Variants in ABCC3 observed in about 807,000 individuals in gnomAD.
The protein encoded by ABCC3 is ATP binding cassette subfamily C member 3, also known as ATP-binding cassette sub-family C member 3.
A neutral mutation model predicts 165.3 loss-of-function variants in ABCC3; 121 were observed. The ratio of observed to expected loss-of-function variants is 0.73; its 90% CI spans 0.63 to 0.85. ABCC3 has a LOEUF of 0.85. ABCC3 is among the 40% of genes least tolerant of loss of function. The pLI is 0.00. For missense variants in ABCC3, 1,869 were observed against 1,964.1 expected, an observed-to-expected ratio of 0.95 and a Z score of 0.92; for synonymous variants, 733 against 810.1, an observed-to-expected ratio of 0.90 and a Z score of 1.62.
intron 1 of ABCC3, among the ~76,000 whole-genome samples, chr17:50,649,033 A>G (rs1967058997): frequency 6.6e-6 from 1 of 151,158 alleles, no homozygotes; most frequent in Non-Finnish European, 1.5e-5. Context: ...AATTTCTTGA[A>G]CCTCAGAGGC....
Position 50,679,837 on chromosome 17 carries a change from G to C in ABCC3, c.3745G>C (p.Asp1249His). 1 of 1,614,184 alleles carries C rather than the reference G, an allele frequency of 6.2e-7. No individual in the cohort carries two copies. The change falls in exon 26 of 31, where the codon GAT becomes CAT. Residue 1249 changes from aspartate (D) to histidine (H), a missense_variant. Physicochemically the swap from Asp to His is moderately conservative, Grantham distance 81 (BLOSUM62 -1). Coordinates refer to ENST00000285238, the MANE Select transcript of ABCC3 (RefSeq NM_003786.4). The part of the protein sequence containing the change: ...ALNWMIRMMS[D>H]LESNIVAVER... Reference sequence around the variant, plus strand: ...GAACTGGATGATACGAATGATGTCAGATTTGGAATCTAACATCGTGGCTGT... The same window carrying C: ...GAACTGGATGATACGAATGATGTCACATTTGGAATCTAACATCGTGGCTGT...
At chr17:50,637,779 C>T (rs2054193067) in intron 1 of ABCC3, among the ~76,000 whole-genome samples, 1 of 152,198 alleles carries the variant, frequency 6.6e-6, no homozygotes, top group Non-Finnish European at 1.5e-5. Context: ...TTCTGACATT[C>T]CCCGGAAGAG....
chr17:50,638,623 G>A (rs531980730), intron 1 of ABCC3, among the ~76,000 whole-genome samples: 2 of 152,170 alleles, frequency 1.3e-5, no homozygotes, highest in East Asian at 1.9e-4. Flanking sequence ...CTCTACATAC[G>A]GAATTTGCCT....
intron 1 of ABCC3, among the ~76,000 whole-genome samples, chr17:50,644,916 G>A (rs1296659254): frequency 6.6e-6 from 1 of 152,148 alleles, no homozygotes; most frequent in Non-Finnish European, 1.5e-5. Flanking sequence ...CAATCAGGAG[G>A]CTGAGGCAGG....
At chr17:50,691,043 C>T in intron 30 of ABCC3, 49 bp from the exon 31 acceptor site, 1 of 1,453,378 alleles carries the variant, frequency 6.9e-7, no homozygotes. Flanking sequence ...GACGATGTGA[C>T]CAGGTCAGGG....
chr17:50,680,877 C>T (rs983362520), intron 26 of ABCC3, among the ~76,000 whole-genome samples: 2 of 152,092 alleles, frequency 1.3e-5, no homozygotes, highest in African/African-American at 4.8e-5. Context: ...GAGTTCAAAA[C>T]CAGCCTGGCC....
chr17:50,657,693 A>G lies in ABCC3; in HGVS notation c.487-389A>G, dbSNP rs184421378. Among the ~76,000 whole-genome samples the G allele has an allele frequency of 2.0e-5, 3 of 152,270 alleles. No homozygotes were observed. In the East Asian group the frequency reaches 5.8e-4, roughly 29 times the overall value. On this transcript the variant is annotated intron_variant, in intron 4 of 30. Coordinates refer to ENST00000285238, the MANE Select transcript of ABCC3 (RefSeq NM_003786.4). Reference sequence around the variant, plus strand: ...ATCTCAGCGGGAAGCAGGCAAGGAGAGTAGCAAAGAACATAGGCTGTGAAC... The same window carrying G: ...ATCTCAGCGGGAAGCAGGCAAGGAGGGTAGCAAAGAACATAGGCTGTGAAC...
intron 14 of ABCC3, 146 bp from the exon 15 acceptor site, chr17:50,668,707 C>T: frequency 1.3e-6 from 1 of 793,062 alleles, no homozygotes; most frequent in Non-Finnish European, 2.1e-6. Flanking sequence ...CTCCCCACAT[C>T]CCTTTCTTCC....
At position 50,684,027 on chromosome 17, in the gene ABCC3, G is replaced by A. The variant is rs1597861850; in HGVS notation, c.4033G>A (p.Gly1345Ser). Residue 1345 changes from glycine to serine, a missense_variant, in exon 28 of 31, where the codon GGT becomes AGT. Coordinates refer to ENST00000285238, the MANE Select transcript of ABCC3 (RefSeq NM_003786.4). Reference protein sequence around the residue: ...CLFRILEAAKGEIRIDGLNVA... With the variant: ...CLFRILEAAKSEIRIDGLNVA... Reference sequence around the variant, plus strand: ...GTTCCGCATCCTGGAGGCGGCAAAGGGTGAAATCCGCATTGATGGCCTCAA... The same window carrying A: ...GTTCCGCATCCTGGAGGCGGCAAAGAGTGAAATCCGCATTGATGGCCTCAA... 2 of 1,613,070 alleles carry A rather than the reference G, an allele frequency of 1.2e-6. No homozygotes were observed. The highest frequency in any genetic ancestry group is 1.7e-5 in the Admixed American group (1 of 59,678).
At chr17:50,687,977 CAG>C (rs1968054712) in intron 30 of ABCC3, among the ~76,000 whole-genome samples, 1 of 150,778 alleles carries the variant, frequency 6.6e-6, no homozygotes, top group South Asian at 2.1e-4. Flanking sequence ...TTTTTTGAGA[CAG>C]AGTTTTGCTC....
At chr17:50,673,182 G>C in intron 18 of ABCC3, 44 bp downstream of exon 18, 4 of 1,606,820 alleles carry the variant, frequency 2.5e-6, no homozygotes, top group Non-Finnish European at 3.4e-6. Context: ...GAGATCTGAG[G>C]CCCGAAGAGA....
At chr17:50,670,824 A>G (rs12946653) in intron 17 of ABCC3, among the ~76,000 whole-genome samples, 112,978 of 152,018 alleles carry the variant, frequency 0.74, 42,084 homozygotes, top group South Asian at 0.86. Context: ...GAGTTGGGAA[A>G]TGGAGGGAAA....
intron 8 of ABCC3, chr17:50,663,364 G>A (rs1029516342): frequency 2.5e-5 from 9 of 365,424 alleles, no homozygotes; most frequent in Non-Finnish European, 4.1e-5. Flanking sequence ...CCAGTCAATG[G>A]AAACGTGGCA....
At chr17:50,660,850 C>T (rs1285692812) in intron 7 of ABCC3, 73 bp from the exon 8 acceptor site, 11 of 1,416,476 alleles carry the variant, frequency 7.8e-6, no homozygotes, top group Non-Finnish European at 1.1e-5. Flanking sequence ...TCCTAGCCAG[C>T]CCAGCCTAGC....
chr17:50,646,189 A>T (rs1966998820), intron 1 of ABCC3, among the ~76,000 whole-genome samples: 1 of 152,218 alleles, frequency 6.6e-6, no homozygotes, highest in Non-Finnish European at 1.5e-5. Context: ...GGTAGGCTTC[A>T]TTGAGAAAGA....
At chr17:50,656,235 G>A (rs997509928) in intron 2 of ABCC3, among the ~76,000 whole-genome samples, 12 of 152,156 alleles carry the variant, frequency 7.9e-5, no homozygotes, top group Admixed American at 4.6e-4. Flanking sequence ...ACAGGCATGC[G>A]CCACCACACC....
rs1967701494 is a variant in ABCC3 at position 50,673,734 on chromosome 17, A to G, written c.2599+76A>G. ...CTGTCTGGGGTCTCTGAGTGTGTCTAGACTGGCCTAGTGTTGTGCCAGGCA... is the reference window on the plus strand; with the variant it reads ...CTGTCTGGGGTCTCTGAGTGTGTCTGGACTGGCCTAGTGTTGTGCCAGGCA... On this transcript the variant is annotated intron_variant, in intron 19 of 30. Coordinates refer to ENST00000285238, the MANE Select transcript of ABCC3 (RefSeq NM_003786.4). 9.5e-6 allele frequency: 14 copies of G among 1,473,770 alleles called. No individual in the cohort carries two copies. In the South Asian group the frequency reaches 1.5e-4, roughly 15 times the overall value. The allele number at this position is 1,473,770 out of a possible 1,614,324, so 91.3% of individuals were successfully genotyped here.
At chr17:50,671,079 C>T (rs563333397) in intron 17 of ABCC3, among the ~76,000 whole-genome samples, 1 of 152,014 alleles carries the variant, frequency 6.6e-6, no homozygotes, top group East Asian at 1.9e-4. Flanking sequence ...CATGATAAAA[C>T]CCCATCTCTA....
chr17:50,672,573 G>C (rs1414130843), intron 17 of ABCC3, among the ~76,000 whole-genome samples: 1 of 152,088 alleles, frequency 6.6e-6, no homozygotes, highest in African/African-American at 2.4e-5. Flanking sequence ...GAAGACTGCT[G>C]TTCTGGTCAG....
Sources: allele counts gnomAD v4.1 joint callset (sites outside exome capture counted in the v4.1 genomes callset), GRCh38; gene constraint gnomAD v4.1.1; transcripts MANE v1.5; gene names NCBI Gene and HGNC (gene_info 2026-07-23, HGNC 2026-07-21).